ERMAP: variants seen among roughly 807,000 people sequenced by gnomAD.
ERMAP encodes the protein erythroblast membrane associated protein (Scianna blood group), also known as erythroid membrane-associated protein.
A neutral mutation model predicts 49.5 loss-of-function variants in ERMAP; 34 were observed. The observed-to-expected ratio is 0.69, with a 90% CI of 0.52 to 0.91. The LOEUF (loss-of-function observed/expected upper bound fraction) is 0.91, where lower values mean the gene tolerates loss of function less well. ERMAP is among the 40% of genes least tolerant of loss of function. The pLI is 0.00. For missense variants in ERMAP, 541 were observed against 582.6 expected (o/e 0.93, Z 0.74); for synonymous variants, 214 against 232.2 (o/e 0.92, Z 0.71).
At chr1:42,821,028 A>G (rs926257473) in intron 1 of ERMAP, among the ~76,000 whole-genome samples, 3 of 152,196 alleles carry the variant, frequency 2.0e-5, no homozygotes, top group Admixed American at 6.5e-5. Flanking sequence ...TCAAGGGTTG[A>G]TGTCAGGAAC....
Position 42,842,863 on chromosome 1 carries a change from G to C in ERMAP, c.1059G>C (p.Glu353Asp), listed in dbSNP as rs950910669. 6.2e-7 allele frequency: 1 copy of C among 1,614,040 alleles called. No homozygotes were observed. Residue 353 changes from glutamate (E) to aspartate (D), a missense_variant, in exon 12 of 12, where the codon GAG becomes GAC. Physicochemically the swap from Glu to Asp is conservative, Grantham distance 45. Coordinates refer to ENST00000372517, the MANE Select transcript of ERMAP (RefSeq NM_001017922.2). ...TSPQTSFRLK[E>D]PPRCVGIFLD... is the part of the protein sequence containing the mutation. Reference sequence around the variant, plus strand: ...CGCAGACCTCCTTCCGCCTTAAAGAGCCTCCACGGTGTGTGGGGATTTTCC... The same window carrying C: ...CGCAGACCTCCTTCCGCCTTAAAGACCCTCCACGGTGTGTGGGGATTTTCC...
At chr1:42,834,476 AGTTT>A (rs1654836486) in intron 4 of ERMAP, among the ~76,000 whole-genome samples, 1 of 152,178 alleles carries the variant, frequency 6.6e-6, no homozygotes, top group Non-Finnish European at 1.5e-5. Flanking sequence ...GTGGTCAAGA[AGTTT>A]GTTTAAGTCA....
At chr1:42,837,291 C>G in intron 7 of ERMAP, 101 bp downstream of exon 7, 3 of 1,273,730 alleles carry the variant, frequency 2.4e-6, no homozygotes, top group Non-Finnish European at 3.4e-6. Context: ...TTTTATAATA[C>G]TGTACACACA....
chr1:42,830,826 G>A lies in ERMAP; in HGVS notation c.144G>A (p.Leu48=). The A allele has an allele frequency of 6.3e-7, 1 of 1,594,182 alleles. No homozygotes were observed. Among genetic ancestry groups the A allele is most frequent in the Non-Finnish European group, 8.5e-7 (1 of 1,170,590 alleles). ...HVALLGGTAE[L]LCPLSLWPGT... The stretch of plus-strand genomic sequence containing the variant: ...CCCTACTAGGGGGCACAGCCGAGCT[G>A]CTCTGCCCTCTCTCCCTCTGGCCCG... Residue 48 remains leucine, a synonymous_variant, in exon 4 of 12, where the codon CTG becomes CTA. Coordinates refer to ENST00000372517, the MANE Select transcript of ERMAP (RefSeq NM_001017922.2).
chr1:42,833,521 A>T (rs116777754), intron 4 of ERMAP, among the ~76,000 whole-genome samples: 2,397 of 152,304 alleles, frequency 0.016, 17 homozygotes, highest in African/African-American at 0.03. Context: ...GTATTTTGCC[A>T]TGTGGCTATA....
chr1:42,831,157 TGGACAAGCTTAATCA>T (rs1255488883), intron 4 of ERMAP, 42 bp downstream of exon 4: 1 of 1,591,244 alleles, frequency 6.3e-7, no homozygotes. Context: ...TTGTGGCAAT[TGGACAAGCTTAATCA>T]GGACCTACTT....
At chr1:42,834,534 C>T (rs1006330402) in intron 4 of ERMAP, 5 of 282,110 alleles carry the variant, frequency 1.8e-5, no homozygotes, top group Non-Finnish European at 3.4e-5. Context: ...GAGAGAGGAA[C>T]ATCTCAGTTT....
intron 2 of ERMAP, among the ~76,000 whole-genome samples, chr1:42,826,499 GA>G (rs1454630835): frequency 2.6e-5 from 4 of 152,110 alleles, no homozygotes; most frequent in African/African-American, 9.7e-5. Flanking sequence ...CAGTGCAGAT[GA>G]AAAGTCTTCC....
At chr1:42,826,080 A>T (rs1028801112) in intron 2 of ERMAP, among the ~76,000 whole-genome samples, 1 of 152,230 alleles carries the variant, frequency 6.6e-6, no homozygotes, top group Non-Finnish European at 1.5e-5. Flanking sequence ...TGGGACTGTC[A>T]AGAGAACATC....
chr1:42,825,608 G>A lies in ERMAP; in HGVS notation c.-121-15G>A. On this transcript the variant is annotated splice_polypyrimidine_tract_variant and intron_variant, in intron 1 of 11. Coordinates refer to ENST00000372517, the MANE Select transcript of ERMAP (RefSeq NM_001017922.2). ...ATTTCATAAAATATGAACTTTTCCC[G>A]GCCCACATCCCTAGGCCTTCCTGAT... The A allele has an allele frequency of 1.6e-6, 2 of 1,279,948 alleles. No homozygotes were observed. The highest frequency in any genetic ancestry group is 2.5e-5 in the South Asian group (2 of 79,850). The allele number at this position is 1,279,948 out of a possible 1,614,324, so 79.3% of individuals were successfully genotyped here.
Position 42,826,720 on chromosome 1 carries a change from G to A in ERMAP, c.-6+982G>A, listed in dbSNP as rs867839666. ...AAAATACAAAAATTAGCTGGGCATGGTGGTGTGCGCCTGTAGTCCCAGGTA... is the reference window on the plus strand; with the variant it reads ...AAAATACAAAAATTAGCTGGGCATGATGGTGTGCGCCTGTAGTCCCAGGTA... On this transcript the variant is annotated intron_variant, in intron 2 of 11. Transcript: ENST00000372517. Among the ~76,000 whole-genome samples the A allele has an allele frequency of 1.3e-5, 2 of 152,020 alleles. 1 individual carries two copies. The highest frequency in any genetic ancestry group is 4.8e-5 in the African/African-American group (2 of 41,388).
intron 11 of ERMAP, among the ~76,000 whole-genome samples, chr1:42,840,719 T>A (rs1400880949): frequency 6.6e-6 from 1 of 152,248 alleles, no homozygotes; most frequent in Non-Finnish European, 1.5e-5. Context: ...TTCCTTATAG[T>A]ATTTTTCTGA....
At chr1:42,837,083 G>T in intron 6 of ERMAP, 75 bp from the exon 7 acceptor site, 1 of 1,528,006 alleles carries the variant, frequency 6.5e-7, no homozygotes, top group South Asian at 1.1e-5. Context: ...TCCAAGGGCA[G>T]GTAAAATCAA....
rs138784902 is a variant in ERMAP at position 42,843,684 on chromosome 1, C to G, written c.*452C>G. 2.7e-5 allele frequency: 5 copies of G among 187,966 alleles called. No individual in the cohort carries two copies. The highest frequency in any genetic ancestry group is 1.3e-4 in the East Asian group (1 of 7,678). The allele number at this position is 187,966 out of a possible 1,614,324, so 11.6% of individuals were successfully genotyped here. A position where few individuals can be genotyped will look rare whatever the true frequency, so the allele number is the denominator to read the frequency against. On this transcript the variant is annotated 3_prime_UTR_variant, in exon 12 of 12. Coordinates refer to ENST00000372517, the MANE Select transcript of ERMAP (RefSeq NM_001017922.2). The stretch of plus-strand genomic sequence containing the variant: ...CTCTCTCAGTTCTGGCCTCTGCCCC[C>G]CAAAGTCAGCTCTCTAAAAGCAAGC...
At chr1:42,840,417 C>A in intron 11 of ERMAP, 121 bp downstream of exon 11, 1 of 1,139,948 alleles carries the variant, frequency 8.8e-7, no homozygotes, top group Non-Finnish European at 1.3e-6. Flanking sequence ...TAAATCAAAT[C>A]TGTATATCTG....
chr1:42,834,925 T>C, intron 4 of ERMAP, 113 bp from the exon 5 acceptor site: 1 of 678,192 alleles, frequency 1.5e-6, no homozygotes, highest in Non-Finnish European at 2.7e-6. Flanking sequence ...CGGAGCTCTC[T>C]CCCTAGAGGT....
chr1:42,838,809 T>A lies in ERMAP; in HGVS notation c.617-92T>A. The A allele has an allele frequency of 6.3e-6, 10 of 1,580,538 alleles. No homozygotes were observed. The South Asian group carries it at 1.1e-4, about 18-fold the overall frequency. On this transcript the variant is annotated intron_variant, in intron 7 of 11. Coordinates refer to ENST00000372517, the MANE Select transcript of ERMAP (RefSeq NM_001017922.2). ...CATAGAAGCGTCACCATCATTTTAA[T>A]CTTGTGGGTTGGAGTGATGAGGCTG...
intron 2 of ERMAP, among the ~76,000 whole-genome samples, chr1:42,828,014 C>A (rs1231950167): frequency 6.6e-6 from 1 of 151,750 alleles, no homozygotes; most frequent in Non-Finnish European, 1.5e-5. Context: ...TGATTTAGAG[C>A]AATATCATAA....
chr1:42,829,255 A>G (rs1654643243), intron 2 of ERMAP, among the ~76,000 whole-genome samples: 1 of 152,224 alleles, frequency 6.6e-6, no homozygotes, highest in South Asian at 2.1e-4. Context: ...GCTTTTTGCC[A>G]TGAGAAAACA....
Sources: allele counts gnomAD v4.1 joint callset (sites outside exome capture counted in the v4.1 genomes callset), GRCh38; gene constraint gnomAD v4.1.1; transcripts MANE v1.5; gene names NCBI Gene and HGNC (gene_info 2026-07-23, HGNC 2026-07-21).